The following C3orf85 variants were observed in gnomAD, a reference collection of about 807,000 sequenced individuals.
C3orf85 encodes chromosome 3 open reading frame 85, also known as uncharacterized protein C3orf85.
A neutral mutation model predicts 1.7 loss-of-function variants in C3orf85; 1 was observed. That is an observed-to-expected ratio of 0.60 (90% CI 0.21 to 2.86). The LOEUF is 2.86. C3orf85 is among the 30% of genes most tolerant of loss of function. C3orf85 has a pLI of 0.22. For synonymous variants in C3orf85, 17 were observed against 8.0 expected (o/e 2.13, Z -1.90); for missense variants, 29 against 21.3 (o/e 1.36, Z -0.72).
At chr3:109,139,139 G>C (rs1175726572) in intron 2 of C3orf85, among the ~76,000 whole-genome samples, 1 of 152,166 alleles carries the variant, frequency 6.6e-6, no homozygotes, top group African/African-American at 2.4e-5. Context: ...GTCAATCAAT[G>C]GTAGAAGCTG....
intron 3 of C3orf85, chr3:109,148,917 A>C (rs1007783914): frequency 6.6e-6 from 1 of 152,320 alleles, no homozygotes; most frequent in African/African-American, 2.4e-5. Context: ...CAATTATTCA[A>C]GGCTTTAATG....
intron 2 of C3orf85, among the ~76,000 whole-genome samples, chr3:109,144,483 G>A (rs75623135): frequency 0.017 from 2,520 of 152,162 alleles, 68 homozygotes; most frequent in African/African-American, 0.057. Context: ...GATGCCTGTC[G>A]GGCTTATAAT....
intron 2 of C3orf85, among the ~76,000 whole-genome samples, chr3:109,138,479 T>C (rs1228055099): frequency 6.6e-6 from 1 of 152,248 alleles, no homozygotes; most frequent in African/African-American, 2.4e-5. Context: ...TTCCTCCACA[T>C]TTTCTTTTAA....
At chr3:109,147,816 A>T (rs1225707841) in intron 2 of C3orf85, among the ~76,000 whole-genome samples, 2 of 152,188 alleles carry the variant, frequency 1.3e-5, no homozygotes, top group Non-Finnish European at 2.9e-5. Context: ...TTGACTGCCT[A>T]GTTTGAGCCA....
At chr3:109,143,218 C>A (rs1706760511) in intron 2 of C3orf85, among the ~76,000 whole-genome samples, 1 of 152,152 alleles carries the variant, frequency 6.6e-6, no homozygotes, top group Non-Finnish European at 1.5e-5. Flanking sequence ...TCCTTTAATT[C>A]TGTATCTTAT....
At chr3:109,149,558 C>T (rs1012139104) in intron 3 of C3orf85, 1 of 287,196 alleles carries the variant, frequency 3.5e-6, no homozygotes, top group Non-Finnish European at 6.4e-6. Context: ...TACCAACTGA[C>T]AGGCACTATG....
chr3:109,146,524 T>C (rs1206893556), intron 2 of C3orf85, among the ~76,000 whole-genome samples: 1 of 152,170 alleles, frequency 6.6e-6, no homozygotes, highest in Non-Finnish European at 1.5e-5. Context: ...AAGATGTCAA[T>C]GGGGGCTGCA....
At chr3:109,138,736 A>T (rs1706706975) in intron 2 of C3orf85, among the ~76,000 whole-genome samples, 1 of 152,148 alleles carries the variant, frequency 6.6e-6, no homozygotes, top group South Asian at 2.1e-4. Context: ...AATTAAATTT[A>T]TGGGCAGAGT....
chr3:109,139,308 C>T (rs574856466), intron 2 of C3orf85, among the ~76,000 whole-genome samples: 1 of 152,204 alleles, frequency 6.6e-6, no homozygotes, highest in Non-Finnish European at 1.5e-5. Context: ...AGTATCATAG[C>T]CGTTGCTTCC....
At chr3:109,140,777 A>G (rs533832210) in intron 2 of C3orf85, among the ~76,000 whole-genome samples, 2 of 152,350 alleles carry the variant, frequency 1.3e-5, no homozygotes, top group South Asian at 2.1e-4. Context: ...CTGTGGCCAT[A>G]AGAGTGAGTG....
At chr3:109,140,365 A>G (rs1044876108) in intron 2 of C3orf85, among the ~76,000 whole-genome samples, 1 of 152,282 alleles carries the variant, frequency 6.6e-6, no homozygotes, top group South Asian at 2.1e-4. Context: ...CCCTCATTTC[A>G]CAGATTGAAT....
At chr3:109,149,381 C>T (rs2107837856) in intron 3 of C3orf85, 1 of 151,946 alleles carries the variant, frequency 6.6e-6, no homozygotes, top group South Asian at 2.1e-4. Flanking sequence ...ATAATGCATC[C>T]AGTTTTATGG....
intron 2 of C3orf85, among the ~76,000 whole-genome samples, chr3:109,138,209 A>T (rs1202622392): frequency 6.6e-6 from 1 of 151,406 alleles, no homozygotes; most frequent in Non-Finnish European, 1.5e-5. Context: ...ACTTGACTCT[A>T]AAAAAAAATA....
At chr3:109,139,034 A>G (rs4855579) in intron 2 of C3orf85, among the ~76,000 whole-genome samples, 103,932 of 152,160 alleles carry the variant, frequency 0.68, 39,806 homozygotes, top group East Asian at 0.93. Flanking sequence ...GTCAGTTCTC[A>G]TGACCACTCT....
chr3:109,137,637 G>GTGTATATA lies in C3orf85; in HGVS notation c.49+742_49+743insGTATATAT, dbSNP rs751674362. ...TGTATATATGTGTGTGTGTGTGTGTGTATATATATATATATATATATATAT... is the reference window on the plus strand; with the variant it reads ...TGTATATATGTGTGTGTGTGTGTGTGTGTATATATATATATATATATATATATATATAT... On this transcript the variant is annotated intron_variant, in intron 2 of 3. Coordinates refer to ENST00000622536, the MANE Select transcript of C3orf85 (RefSeq NM_001351622.2). Among the ~76,000 whole-genome samples the GTGTATATA allele has an allele frequency of 4.5e-3, 363 of 79,894 alleles. 9 individuals carry two copies. The South Asian group carries it at 0.054, about 12-fold the overall frequency. 52.4% of individuals were successfully genotyped at this position (79,894 alleles called of 152,430 possible).
chr3:109,150,699 G>T lies in C3orf85; in HGVS notation c.*805G>T, dbSNP rs538180895. Among the ~76,000 whole-genome samples, 2 of 152,156 alleles carry T rather than the reference G, an allele frequency of 1.3e-5. No homozygotes were observed. Among genetic ancestry groups the T allele is most frequent in the Non-Finnish European group, 2.9e-5 (2 of 68,020 alleles). ...ATGGATTACCACCTCAGTTTGAGAA[G>T]CATTGAGATGATACAACTAATTGCC... On this transcript the variant is annotated 3_prime_UTR_variant, in exon 4 of 4. Transcript: ENST00000622536.
rs1706850418 is a variant in C3orf85 at position 109,149,966 on chromosome 3, G to A, written c.*72G>A. 2.5e-6 allele frequency: 1 copy of A among 396,492 alleles called. No individual in the cohort carries two copies. 24.6% of individuals were successfully genotyped at this position (396,492 alleles called of 1,614,324 possible). A position where few individuals can be genotyped will look rare whatever the true frequency, so the allele number is the denominator to read the frequency against. On this transcript the variant is annotated 3_prime_UTR_variant, in exon 4 of 4. Coordinates refer to ENST00000622536, the MANE Select transcript of C3orf85 (RefSeq NM_001351622.2). ...GAATGGCATTGTGCCAAAACCATGG[G>A]TTTTAGAGATCTGAGGGTATATCCA...
intron 2 of C3orf85, among the ~76,000 whole-genome samples, chr3:109,138,952 G>A (rs1385966487): frequency 6.6e-6 from 1 of 152,200 alleles, no homozygotes; most frequent in Non-Finnish European, 1.5e-5. Flanking sequence ...CTTCTATAAT[G>A]AAATCAGCAA....
intron 3 of C3orf85, 163 bp downstream of exon 3, chr3:109,148,549 T>G (rs1052806615): frequency 3.5e-6 from 2 of 569,916 alleles, no homozygotes; most frequent in African/African-American, 1.9e-5. Flanking sequence ...GGTTTTTGCC[T>G]GGTAAACTCT....
Sources: gnomAD v4.1 joint callset for allele counts (sites outside exome capture counted in the v4.1 genomes callset) on GRCh38, gnomAD v4.1.1 for gene constraint, MANE v1.5 for transcripts, NCBI Gene and HGNC (gene_info 2026-07-23, HGNC 2026-07-21) for gene names.